Variants in BCL9 observed in about 807,000 individuals in gnomAD.
The protein encoded by BCL9 is BCL9 transcription coactivator.
In BCL9, 25 loss-of-function variants were observed where a neutral mutation model predicts 88.5. The observed-to-expected ratio is 0.28, with a 90% CI of 0.21 to 0.39. BCL9 has a LOEUF of 0.39. Among genes scored for constraint, BCL9 ranks in the 10% least tolerant of loss-of-function variants. The probability of loss-of-function intolerance (pLI) is 1.00; values close to 1 mark genes in which losing one functional copy is unlikely to be tolerated. For missense variants in BCL9, 1,817 were observed against 1,877.8 expected (o/e 0.97, Z 0.60); for synonymous variants, 711 against 673.3 (o/e 1.06, Z -0.87).
rs1461397942 is a variant in BCL9 at position 147,625,820 on chromosome 1, T to C, written c.*861T>C. ...CTCTCTTTCCCTTTGGCAGCTGCAA[T>C]ACACAGTGTTATTTTGGGGAAATAA... On this transcript the variant is annotated 3_prime_UTR_variant, in exon 10 of 10. Coordinates refer to ENST00000234739, the MANE Select transcript of BCL9 (RefSeq NM_004326.4). 4.3e-6 allele frequency: 1 copy of C among 232,090 alleles called. No individual in the cohort carries two copies. Among genetic ancestry groups the C allele is most frequent in the Non-Finnish European group, 8.5e-6 (1 of 117,218 alleles). The allele number at this position is 232,090 out of a possible 1,614,324, so 14.4% of individuals were successfully genotyped here. A position where few individuals can be genotyped will look rare whatever the true frequency, so the allele number is the denominator to read the frequency against.
chr1:147,572,509 T>C (rs1453845414), intron 1 of BCL9, among the ~76,000 whole-genome samples: 1 of 152,196 alleles, frequency 6.6e-6, no homozygotes, highest in Non-Finnish European at 1.5e-5. Flanking sequence ...GAGCTGACCA[T>C]AGGTGACCAG....
At chr1:147,568,020 TCTCTGTGAC>T (rs2101520484) in intron 1 of BCL9, among the ~76,000 whole-genome samples, 1 of 152,316 alleles carries the variant, frequency 6.6e-6, no homozygotes, top group South Asian at 2.1e-4. Flanking sequence ...CAGCTGCATC[TCTCTGTGAC>T]AAAGCATGCT....
At chr1:147,561,277 C>T (rs782169219) in intron 1 of BCL9, among the ~76,000 whole-genome samples, 5 of 152,146 alleles carry the variant, frequency 3.3e-5, no homozygotes, top group Admixed American at 6.5e-5. Context: ...AAACCTACCA[C>T]GGGGATTGAA....
intron 1 of BCL9, among the ~76,000 whole-genome samples, chr1:147,580,113 C>T (rs1656299085): frequency 1.3e-5 from 2 of 152,186 alleles, no homozygotes; most frequent in Non-Finnish European, 2.9e-5. Flanking sequence ...TAGGTCTGGG[C>T]ATTGGAAGAA....
intron 2 of BCL9, among the ~76,000 whole-genome samples, chr1:147,606,381 T>C (rs1015693252): frequency 6.6e-6 from 1 of 152,214 alleles, no homozygotes; most frequent in Non-Finnish European, 1.5e-5. Context: ...CAGAGACATA[T>C]CTGGAATTTT....
At chr1:147,574,707 G>A (rs1402793554) in intron 1 of BCL9, among the ~76,000 whole-genome samples, 4 of 152,170 alleles carry the variant, frequency 2.6e-5, no homozygotes, top group Admixed American at 6.5e-5. Flanking sequence ...TAATTAAAGC[G>A]TGTTTGTACG....
At chr1:147,612,551 T>G (rs1178744816) in intron 4 of BCL9, among the ~76,000 whole-genome samples, 2 of 152,184 alleles carry the variant, frequency 1.3e-5, no homozygotes, top group African/African-American at 2.4e-5. Flanking sequence ...GATGCCTGTT[T>G]GTTTACTCTG....
At chr1:147,569,181 A>C (rs1553197061) in intron 1 of BCL9, among the ~76,000 whole-genome samples, 2 of 151,838 alleles carry the variant, frequency 1.3e-5, no homozygotes, top group African/African-American at 4.8e-5. Flanking sequence ...AAGGGCAGCG[A>C]GGAAGAGGGA....
intron 1 of BCL9, among the ~76,000 whole-genome samples, chr1:147,545,285 G>C (rs939888197): frequency 6.6e-6 from 1 of 152,182 alleles, no homozygotes; most frequent in Non-Finnish European, 1.5e-5. Flanking sequence ...TCCTCTGAGC[G>C]GTATGCACTT....
chr1:147,547,144 G>T (rs1213782775), intron 1 of BCL9, among the ~76,000 whole-genome samples: 1 of 152,116 alleles, frequency 6.6e-6, no homozygotes, highest in African/African-American at 2.4e-5. Flanking sequence ...TGCAACTCCT[G>T]AAAGAGATTA....
rs373865403 is a variant in BCL9 at position 147,615,787 on chromosome 1, T to C, written c.561-16T>C. On this transcript the variant is annotated splice_polypyrimidine_tract_variant and intron_variant, in intron 6 of 9. Transcript: ENST00000234739. The stretch of plus-strand genomic sequence containing the variant: ...GAAACAAGTTCTAGTGTGTGCTGTC[T>C]CTTCCATCTTTGCAGAGCTGCAGAA... The C allele has an allele frequency of 1.9e-6, 3 of 1,605,682 alleles. No individual in the cohort carries two copies. Among genetic ancestry groups the C allele is most frequent in the Admixed American group, 1.7e-5 (1 of 59,984 alleles).
chr1:147,587,386 A>G (rs1553199356), intron 1 of BCL9, among the ~76,000 whole-genome samples: 1 of 152,054 alleles, frequency 6.6e-6, no homozygotes, highest in East Asian at 1.9e-4. Context: ...CTTGCTTCCC[A>G]GCCGCCCCTC....
chr1:147,608,726 G>T (rs1326830369), intron 3 of BCL9, among the ~76,000 whole-genome samples: 28 of 152,178 alleles, frequency 1.8e-4, no homozygotes. Context: ...CAGCGTGCTT[G>T]CTAGAGAGTG....
At chr1:147,582,910 A>G (rs774509935) in intron 1 of BCL9, among the ~76,000 whole-genome samples, 1 of 152,190 alleles carries the variant, frequency 6.6e-6, no homozygotes, top group Non-Finnish European at 1.5e-5. Context: ...TGTTCATTTG[A>G]CCACACACAT....
At chr1:147,602,365 C>T (rs187957145) in intron 1 of BCL9, among the ~76,000 whole-genome samples, 22 of 152,018 alleles carry the variant, frequency 1.4e-4, no homozygotes, top group African/African-American at 4.1e-4. Flanking sequence ...GCACGCACCA[C>T]CATGCCCAGC....
intron 1 of BCL9, among the ~76,000 whole-genome samples, chr1:147,553,327 A>C (rs1206864804): frequency 6.6e-6 from 1 of 152,196 alleles, no homozygotes. Context: ...GCAGATGGAC[A>C]TTAGACTCAT....
intron 1 of BCL9, among the ~76,000 whole-genome samples, chr1:147,544,715 T>A (rs1388422130): frequency 6.6e-6 from 1 of 152,030 alleles, no homozygotes; most frequent in Non-Finnish European, 1.5e-5. Context: ...CAAGGACACA[T>A]ATCCTACCCC....
intron 1 of BCL9, among the ~76,000 whole-genome samples, chr1:147,552,722 T>C (rs2101476768): frequency 6.6e-6 from 1 of 152,364 alleles, no homozygotes; most frequent in Non-Finnish European, 1.5e-5. Context: ...AAGACTATAT[T>C]GGCATTTTCC....
chr1:147,547,376 T>C (rs587661595), intron 1 of BCL9, among the ~76,000 whole-genome samples: 2 of 152,320 alleles, frequency 1.3e-5, no homozygotes, highest in Admixed American at 1.3e-4. Flanking sequence ...TTTGAAAAGA[T>C]ATAATTTAAA....
Sources: gnomAD v4.1 joint callset for allele counts (sites outside exome capture counted in the v4.1 genomes callset) on GRCh38, gnomAD v4.1.1 for gene constraint, MANE v1.5 for transcripts, NCBI Gene and HGNC (gene_info 2026-07-23, HGNC 2026-07-21) for gene names.